PBX1: variants seen among roughly 807,000 people sequenced by gnomAD.
The protein encoded by PBX1 is pre-B-cell leukemia transcription factor 1.
PBX1 carries 6 observed loss-of-function variants against 53.4 expected under a neutral mutation model. The ratio of observed to expected loss-of-function variants is 0.11; its 90% CI spans 0.06 to 0.22. The LOEUF is 0.22. Among genes scored for constraint, PBX1 ranks in the 10% least tolerant of loss-of-function variants. The pLI is 1.00. For missense variants in PBX1, 251 were observed against 551.4 expected (o/e 0.46, Z 5.46); for synonymous variants, 204 against 212.3 (o/e 0.96, Z 0.34).
In PBX1 at chr1:164,848,319, G is replaced by A. The variant is rs1671668331; in HGVS notation, c.*1643G>A. 9.5e-7 allele frequency: 1 copy of A among 1,057,388 alleles called. No individual in the cohort carries two copies. The highest frequency in any genetic ancestry group is 1.1e-6 in the Non-Finnish European group (1 of 874,464). 65.5% of individuals were successfully genotyped at this position (1,057,388 alleles called of 1,614,324 possible). On this transcript the variant is annotated 3_prime_UTR_variant, in exon 9 of 9. Coordinates refer to ENST00000420696, the MANE Select transcript of PBX1 (RefSeq NM_002585.4). ...GGCAGCTCTATCACTTGATTAAGTG[G>A]GAGGTGGTCAAATATTTTGGTGCCT...
At chr1:164,736,457 C>T (rs1250385117) in intron 2 of PBX1, among the ~76,000 whole-genome samples, 4 of 152,280 alleles carry the variant, frequency 2.6e-5, no homozygotes, top group African/African-American at 7.2e-5. Context: ...ACACCTTCCT[C>T]TCTCATTCCA....
intron 8 of PBX1, among the ~76,000 whole-genome samples, chr1:164,825,599 T>G (rs1670417934): frequency 6.6e-6 from 1 of 152,212 alleles, no homozygotes; most frequent in South Asian, 2.1e-4. Flanking sequence ...AAAATATCCT[T>G]AAGTCTTTCT....
chr1:164,806,478 T>G (rs1173844787), intron 4 of PBX1, among the ~76,000 whole-genome samples: 1 of 152,156 alleles, frequency 6.6e-6, no homozygotes, highest in Admixed American at 6.5e-5. Flanking sequence ...CCAGATGCCT[T>G]TTAAAAATGT....
chr1:164,808,197 T>G (rs1669445912), intron 5 of PBX1, among the ~76,000 whole-genome samples: 1 of 152,208 alleles, frequency 6.6e-6, no homozygotes, highest in African/African-American at 2.4e-5. Context: ...GCGATTACAT[T>G]GGAATGGTGA....
intron 2 of PBX1, among the ~76,000 whole-genome samples, chr1:164,599,261 TATTA>T (rs1655995615): frequency 6.6e-6 from 1 of 151,880 alleles, no homozygotes; most frequent in Admixed American, 6.6e-5. Flanking sequence ...ATTAATTAAT[TATTA>T]ATTTTAAGTT....
Position 164,644,923 on chromosome 1 carries a change from C to T in PBX1, c.265+81612C>T, listed in dbSNP as rs575635902. Among the ~76,000 whole-genome samples, 11 of 152,296 alleles carry T rather than the reference C, an allele frequency of 7.2e-5. No individual in the cohort carries two copies. In the East Asian group the frequency reaches 1.5e-3, roughly 21 times the overall value. Reference sequence around the variant, plus strand: ...TCCTCCAGTTTCTAGTCTTGGAGTTCATATACAGTAAATCTTTCTCTTAAT... The same window carrying T: ...TCCTCCAGTTTCTAGTCTTGGAGTTTATATACAGTAAATCTTTCTCTTAAT... On this transcript the variant is annotated intron_variant, in intron 2 of 8. Transcript: ENST00000420696.
chr1:164,741,952 T>C (rs1665638327), intron 2 of PBX1, among the ~76,000 whole-genome samples: 1 of 152,060 alleles, frequency 6.6e-6, no homozygotes, highest in Non-Finnish European at 1.5e-5. Flanking sequence ...AGGCTTACTA[T>C]ATTCTATCTG....
At chr1:164,576,841 T>A (rs1654279607) in intron 2 of PBX1, 1 of 152,296 alleles carries the variant, frequency 6.6e-6, no homozygotes, top group Admixed American at 6.5e-5. Flanking sequence ...CTGCGGTCTG[T>A]TCCCAGGGAG....
chr1:164,675,997 C>T (rs1389435171), intron 2 of PBX1, among the ~76,000 whole-genome samples: 1 of 152,142 alleles, frequency 6.6e-6, no homozygotes, highest in Non-Finnish European at 1.5e-5. Context: ...GGGCTATGCC[C>T]TTTATATTTG....
At chr1:164,743,210 T>C (rs1665708849) in intron 2 of PBX1, among the ~76,000 whole-genome samples, 1 of 152,230 alleles carries the variant, frequency 6.6e-6, no homozygotes, top group Non-Finnish European at 1.5e-5. Context: ...GTAATATGTA[T>C]TGCCATGATA....
intron 4 of PBX1, among the ~76,000 whole-genome samples, chr1:164,803,799 A>T (rs924804360): frequency 1.3e-5 from 2 of 152,216 alleles, no homozygotes; most frequent in African/African-American, 4.8e-5. Flanking sequence ...ATGTATGGGA[A>T]GTTATCACAT....
chr1:164,871,024 C>G (rs1318909641), intron 2 of PBX1, among the ~76,000 whole-genome samples: 1 of 152,132 alleles, frequency 6.6e-6, no homozygotes. Context: ...TTATTTCATC[C>G]TATTTAATTG....
chr1:164,759,999 A>G (rs542655441), intron 2 of PBX1, among the ~76,000 whole-genome samples: 2 of 152,304 alleles, frequency 1.3e-5, no homozygotes, highest in East Asian at 1.9e-4. Context: ...GGCCTCTTCA[A>G]AGTCCCCAAG....
intron 2 of PBX1, among the ~76,000 whole-genome samples, chr1:164,874,314 TTC>T (rs1333351868): frequency 1.1e-4 from 16 of 152,218 alleles, no homozygotes; most frequent in Non-Finnish European, 2.1e-4. Flanking sequence ...GCTTCGCCAT[TTC>T]TCTCTGCTGT....
intron 2 of PBX1, chr1:164,625,823 A>G: frequency 1.0e-5 from 5 of 496,578 alleles, no homozygotes; most frequent in East Asian, 1.2e-4. Context: ...AAAAAAAAAA[A>G]AGAAAAAAAA....
At chr1:164,638,283 T>C (rs71628345) in intron 2 of PBX1, among the ~76,000 whole-genome samples, 5,977 of 152,324 alleles carry the variant, frequency 0.039, 175 homozygotes, top group South Asian at 0.062. Context: ...TGGGTCGCTC[T>C]CTGCCCTAGC....
chr1:164,834,477 G>A (rs1011547388), intron 8 of PBX1, among the ~76,000 whole-genome samples: 1 of 151,954 alleles, frequency 6.6e-6, no homozygotes, highest in South Asian at 2.1e-4. Context: ...CCAAGTAGCT[G>A]GGATTACAGG....
At chr1:164,814,353 T>C (rs1361990230) in intron 6 of PBX1, 1 of 152,238 alleles carries the variant, frequency 6.6e-6, no homozygotes, top group African/African-American at 2.4e-5. Flanking sequence ...AGTCTAGAGT[T>C]GTAGAACCTA....
rs919314962 is a variant in PBX1, at chr1:164,848,084, A to C, written c.*1408A>C. The C allele has an allele frequency of 3.8e-6, 4 of 1,052,164 alleles. No individual in the cohort carries two copies. The African/African-American group carries it at 6.6e-5, about 17-fold the overall frequency. The allele number at this position is 1,052,164 out of a possible 1,614,324, so 65.2% of individuals were successfully genotyped here. A position where few individuals can be genotyped will look rare whatever the true frequency, so the allele number is the denominator to read the frequency against. ...AAAGAGTTGTATAAGAACGTGGCTCATGTGAACTTTTGCTAGCTTCATTTG... is the reference window on the plus strand; with the variant it reads ...AAAGAGTTGTATAAGAACGTGGCTCCTGTGAACTTTTGCTAGCTTCATTTG... On this transcript the variant is annotated 3_prime_UTR_variant, in exon 9 of 9. Coordinates refer to ENST00000420696, the MANE Select transcript of PBX1 (RefSeq NM_002585.4).
Sources: gnomAD v4.1 joint callset for allele counts (sites outside exome capture counted in the v4.1 genomes callset) on GRCh38, gnomAD v4.1.1 for gene constraint, MANE v1.5 for transcripts, NCBI Gene and HGNC (gene_info 2026-07-23, HGNC 2026-07-21) for gene names.